Variants in CUL5 observed in about 807,000 individuals in gnomAD.
CUL5 encodes the protein cullin 5, also known as cullin-5.
Under a neutral mutation model 108.8 loss-of-function variants are expected in CUL5, and 26 were observed. The observed-to-expected ratio is 0.24, with a 90% CI of 0.18 to 0.33. The LOEUF (loss-of-function observed/expected upper bound fraction) is 0.33, where lower values mean the gene tolerates loss of function less well. Ranked by LOEUF, CUL5 falls within the 10% of genes least tolerant of loss-of-function variation. The pLI is 1.00. For missense variants in CUL5, 524 were observed against 909.2 expected, an observed-to-expected ratio of 0.58 and a Z score of 5.45; for synonymous variants, 334 against 298.0, an observed-to-expected ratio of 1.12 and a Z score of -1.25.
intron 11 of CUL5, among the ~76,000 whole-genome samples, 158 bp downstream of exon 11, chr11:108,078,398 TATTAA>T (rs71476012): frequency 0.1 from 15,185 of 152,064 alleles, 975 homozygotes; most frequent in Non-Finnish European, 0.14. Context: ...TATAATTTTT[TATTAA>T]ATTATTTTAC....
intron 1 of CUL5, among the ~76,000 whole-genome samples, chr11:108,013,875 C>G (rs1170600767): frequency 6.6e-6 from 1 of 152,042 alleles, no homozygotes; most frequent in Non-Finnish European, 1.5e-5. Flanking sequence ...GGCAATGTAG[C>G]AAGACCCTGT....
intron 7 of CUL5, among the ~76,000 whole-genome samples, chr11:108,055,389 GGGGATATT>G (rs1333324963): frequency 9.2e-5 from 14 of 152,028 alleles, no homozygotes; most frequent in Non-Finnish European, 1.5e-5. Context: ...TTTATTCCTA[GGGGATATT>G]TCTTCTCCTT....
chr11:108,009,093 G>A lies in CUL5; in HGVS notation c.-256G>A. 1.8e-6 allele frequency: 1 copy of A among 549,480 alleles called. No individual in the cohort carries two copies. Among genetic ancestry groups the A allele is most frequent in the Non-Finnish European group, 3.3e-6 (1 of 307,390 alleles). 34.0% of individuals were successfully genotyped at this position (549,480 alleles called of 1,614,324 possible). A position where few individuals can be genotyped will look rare whatever the true frequency, so the allele number is the denominator to read the frequency against. ...TCCCGTTACCTTCTCAGCATTCGCC[G>A]TTCCGGTCTTCCTGAGCGCGTGCAT... On this transcript the variant is annotated 5_prime_UTR_variant, in exon 1 of 19. Coordinates refer to ENST00000393094, the MANE Select transcript of CUL5 (RefSeq NM_003478.6).
In CUL5 at chr11:108,048,648, C is replaced by CTTTTTTTTTTTTTTTTTTTTTTTTTT. The variant is rs200991204; in HGVS notation, c.235-1231_235-1206dup. ...ATAGTGGGGAAATAGACTCCACCACCTTTTTTTTTTTTTTTTTTTTTTTTT... is the reference window on the plus strand; with the variant it reads ...ATAGTGGGGAAATAGACTCCACCACCTTTTTTTTTTTTTTTTTTTTTTTTTTTTTTTTTTTTTTTTTTTTTTTTTTT... On this transcript the variant is annotated intron_variant, in intron 3 of 18. Transcript: ENST00000393094. 3.0e-4 allele frequency among the ~76,000 whole-genome samples: 35 copies of CTTTTTTTTTTTTTTTTTTTTTTTTTT among 116,850 alleles called. 1 individual carries two copies. Among genetic ancestry groups the CTTTTTTTTTTTTTTTTTTTTTTTTTT allele is most frequent in the Non-Finnish European group, 3.6e-4 (21 of 58,972 alleles). The allele number at this position is 116,850 out of a possible 152,430, so 76.7% of individuals were successfully genotyped here. A position where few individuals can be genotyped will look rare whatever the true frequency, so the allele number is the denominator to read the frequency against.
At chr11:108,027,823 T>C (rs1201193571) in intron 1 of CUL5, among the ~76,000 whole-genome samples, 1 of 152,246 alleles carries the variant, frequency 6.6e-6, no homozygotes, top group African/African-American at 2.4e-5. Flanking sequence ...GTTTCAGTGG[T>C]TATCTTACCT....
chr11:108,089,360 A>G, intron 12 of CUL5, 132 bp from the exon 13 acceptor site: 1 of 535,076 alleles, frequency 1.9e-6, no homozygotes, highest in East Asian at 3.5e-5. Context: ...GAGATGGATA[A>G]TTCAGTAGGC....
intron 7 of CUL5, among the ~76,000 whole-genome samples, chr11:108,061,563 TATC>T (rs1403954076): frequency 6.6e-6 from 1 of 152,228 alleles, no homozygotes; most frequent in Non-Finnish European, 1.5e-5. Flanking sequence ...ATTCAACAGT[TATC>T]ATTATTTTGT....
At chr11:108,032,326 A>G (rs141028279) in intron 1 of CUL5, among the ~76,000 whole-genome samples, 34 of 152,052 alleles carry the variant, frequency 2.2e-4, no homozygotes, top group African/African-American at 7.7e-4. Context: ...GGGAAATATA[A>G]CAAGACCCCA....
intron 1 of CUL5, among the ~76,000 whole-genome samples, chr11:108,019,495 C>T (rs1395105313): frequency 1.3e-5 from 2 of 152,108 alleles, no homozygotes; most frequent in African/African-American, 4.8e-5. Context: ...TTTTGGTCAA[C>T]AACGGATCAC....
intron 7 of CUL5, among the ~76,000 whole-genome samples, chr11:108,065,776 A>C (rs1260423049): frequency 6.6e-6 from 1 of 152,044 alleles, no homozygotes; most frequent in African/African-American, 2.4e-5. Flanking sequence ...TGCCCACCTG[A>C]TTTTTGGTTC....
At position 108,048,246 on chromosome 11, in the gene CUL5, A is replaced by T. The variant is rs1863114536; in HGVS notation, c.235-1644A>T. Among the ~76,000 whole-genome samples, 3 of 151,894 alleles carry T rather than the reference A, an allele frequency of 2.0e-5. No homozygotes were observed. The South Asian group carries it at 6.2e-4, about 31-fold the overall frequency. ...ATTGAAATGTTTATAACATTTTTTAAAGAACAAAAAAAAAAGTAAAAATAA... is the reference window on the plus strand; with the variant it reads ...ATTGAAATGTTTATAACATTTTTTATAGAACAAAAAAAAAAGTAAAAATAA... On this transcript the variant is annotated intron_variant, in intron 3 of 18. Coordinates refer to ENST00000393094, the MANE Select transcript of CUL5 (RefSeq NM_003478.6).
intron 2 of CUL5, among the ~76,000 whole-genome samples, chr11:108,039,552 T>G (rs1184167628): frequency 6.6e-6 from 1 of 152,238 alleles, no homozygotes; most frequent in Non-Finnish European, 1.5e-5. Context: ...TCACAATGTT[T>G]TGCAAACATC....
intron 7 of CUL5, among the ~76,000 whole-genome samples, chr11:108,056,505 G>T (rs1336010712): frequency 6.6e-6 from 1 of 152,022 alleles, no homozygotes; most frequent in African/African-American, 2.4e-5. Context: ...TATCCTCTTT[G>T]GTTGAAATAG....
In CUL5 at chr11:108,106,059, A is replaced by AT. The variant is rs1864792812; in HGVS notation, c.*1676dup. The AT allele has an allele frequency of 1.3e-5, 2 of 152,308 alleles. No homozygotes were observed. The highest frequency in any genetic ancestry group is 4.1e-4 in the South Asian group (2 of 4,828). 9.4% of individuals were successfully genotyped at this position (152,308 alleles called of 1,614,324 possible). On this transcript the variant is annotated 3_prime_UTR_variant, in exon 19 of 19. Transcript: ENST00000393094. ...AAAATTTTACACTTTAAGGTAGCAA[A>AT]TGTCAATTATTAGACCGAGCATATT... is the stretch of plus-strand genomic sequence containing the variant.
chr11:108,062,174 A>G (rs961220934), intron 7 of CUL5, among the ~76,000 whole-genome samples: 1 of 152,148 alleles, frequency 6.6e-6, no homozygotes, highest in African/African-American at 2.4e-5. Context: ...CATTGTTTAT[A>G]GTTTATTTCT....
intron 1 of CUL5, among the ~76,000 whole-genome samples, chr11:108,027,762 C>T (rs1298642962): frequency 6.6e-6 from 1 of 152,154 alleles, no homozygotes; most frequent in African/African-American, 2.4e-5. Context: ...TTTGTCCTTA[C>T]TACTCTGCAA....
chr11:108,078,073 T>C, intron 10 of CUL5, 103 bp from the exon 11 acceptor site: 1 of 642,502 alleles, frequency 1.6e-6, no homozygotes, highest in Non-Finnish European at 2.6e-6. Flanking sequence ...GATATACCAT[T>C]AGAAATAAAA....
At chr11:108,009,732 C>CT (rs1384693284) in intron 1 of CUL5, among the ~76,000 whole-genome samples, 1 of 152,188 alleles carries the variant, frequency 6.6e-6, no homozygotes, top group African/African-American at 2.4e-5. Flanking sequence ...AAAGCAATGT[C>CT]TAAGACGCAT....
intron 7 of CUL5, among the ~76,000 whole-genome samples, chr11:108,059,807 C>G (rs1409619802): frequency 6.6e-6 from 1 of 151,822 alleles, no homozygotes; most frequent in African/African-American, 2.4e-5. Context: ...TCGCTTGAAC[C>G]CAGGAGGCGG....
Sources: allele counts gnomAD v4.1 joint callset (sites outside exome capture counted in the v4.1 genomes callset), GRCh38; gene constraint gnomAD v4.1.1; transcripts MANE v1.5; gene names NCBI Gene and HGNC (gene_info 2026-07-23, HGNC 2026-07-21).